PDE3A: variants seen among roughly 807,000 people sequenced by gnomAD.
PDE3A encodes the protein cGMP-inhibited 3',5'-cyclic phosphodiesterase 3A.
In PDE3A, 43 loss-of-function variants were observed where a neutral mutation model predicts 98.3. The ratio of observed to expected loss-of-function variants is 0.44; its 90% CI spans 0.34 to 0.56. The LOEUF is 0.56. Among genes scored for constraint, PDE3A ranks in the 20% least tolerant of loss-of-function variants. The pLI is 0.01. For synonymous variants in PDE3A, 663 were observed against 567.9 expected (o/e 1.17, Z -2.38); for missense variants, 1,427 against 1,440.7 (o/e 0.99, Z 0.15).
intron 1 of PDE3A, among the ~76,000 whole-genome samples, chr12:20,384,225 C>G (rs1306649173): frequency 6.7e-6 from 1 of 150,056 alleles, no homozygotes; most frequent in African/African-American, 2.5e-5. Flanking sequence ...TCTGCCTACA[C>G]CTTCCGGAAG....
chr12:20,390,439 G>A (rs1943891197), intron 1 of PDE3A, among the ~76,000 whole-genome samples: 1 of 144,522 alleles, frequency 6.9e-6, no homozygotes, highest in African/African-American at 2.6e-5. Context: ...GTAGTGGTGG[G>A]CAGGAAAGGT....
intron 1 of PDE3A, among the ~76,000 whole-genome samples, chr12:20,532,466 T>G (rs1198018958): frequency 1.3e-5 from 2 of 152,166 alleles, no homozygotes; most frequent in Non-Finnish European, 1.5e-5. Flanking sequence ...ATATACCCAT[T>G]TATGGTATAT....
intron 1 of PDE3A, among the ~76,000 whole-genome samples, chr12:20,442,308 A>G (rs1278324391): frequency 6.6e-6 from 1 of 152,208 alleles, no homozygotes; most frequent in Non-Finnish European, 1.5e-5. Context: ...AGTAACAACA[A>G]CCACAAATAT....
chr12:20,467,932 T>C lies in PDE3A; in HGVS notation c.961-88728T>C, dbSNP rs188846235. Among the ~76,000 whole-genome samples the C allele has an allele frequency of 5.1e-3, 268 of 52,950 alleles. 9 individuals carry two copies. In the East Asian group the frequency reaches 0.13, roughly 26 times the overall value. The allele number at this position is 52,950 out of a possible 152,430, so 34.7% of individuals were successfully genotyped here. A position where few individuals can be genotyped will look rare whatever the true frequency, so the allele number is the denominator to read the frequency against. ...CCTGGCGACAGAGCGAGACTCCTTC[T>C]CAAAAAAAAAAAAAAAAAAAAAAAA... On this transcript the variant is annotated intron_variant, in intron 1 of 15. Transcript: ENST00000359062.
chr12:20,637,539 T>C (rs1176883351), intron 9 of PDE3A, among the ~76,000 whole-genome samples: 1 of 151,830 alleles, frequency 6.6e-6, no homozygotes, highest in African/African-American at 2.4e-5. Context: ...CAAAAGAAAA[T>C]CTGACACAAG....
At chr12:20,631,526 T>C (rs1944376543) in intron 6 of PDE3A, among the ~76,000 whole-genome samples, 1 of 152,132 alleles carries the variant, frequency 6.6e-6, no homozygotes, top group Admixed American at 6.6e-5. Context: ...GTATGCACCC[T>C]GAGCCAAGAT....
intron 12 of PDE3A, among the ~76,000 whole-genome samples, chr12:20,647,411 A>C (rs1944801124): frequency 9.2e-6 from 1 of 108,652 alleles, no homozygotes; most frequent in South Asian, 4.0e-4. Flanking sequence ...ATATCAATTT[A>C]TTTCATTGGA....
chr12:20,538,006 C>T (rs144444469), intron 1 of PDE3A, among the ~76,000 whole-genome samples: 4 of 152,220 alleles, frequency 2.6e-5, no homozygotes, highest in African/African-American at 7.2e-5. Flanking sequence ...ATGAACCAAA[C>T]GCATAATAGA....
At chr12:20,611,565 C>A (rs1943854563) in intron 2 of PDE3A, among the ~76,000 whole-genome samples, 1 of 151,726 alleles carries the variant, frequency 6.6e-6, no homozygotes, top group Non-Finnish European at 1.5e-5. Context: ...AATAATAGTA[C>A]TTACTAATAC....
intron 1 of PDE3A, among the ~76,000 whole-genome samples, chr12:20,466,595 A>C (rs1361856336): frequency 6.6e-6 from 1 of 152,172 alleles, no homozygotes; most frequent in Non-Finnish European, 1.5e-5. Flanking sequence ...TTAAATTATG[A>C]CTAGTGTATT....
intron 1 of PDE3A, among the ~76,000 whole-genome samples, chr12:20,386,004 A>ATAAATATATATAAAATATATATG (rs1943756499): frequency 9.4e-6 from 1 of 106,024 alleles, no homozygotes; most frequent in Non-Finnish European, 1.8e-5. Context: ...AAATATATAT[A>ATAAATATATATAAAATATATATG]TAAATATATA....
intron 1 of PDE3A, among the ~76,000 whole-genome samples, chr12:20,408,175 C>T (rs1398232177): frequency 1.3e-5 from 2 of 152,022 alleles, no homozygotes; most frequent in Admixed American, 6.6e-5. Context: ...CGCTTCAGCC[C>T]CCGAAAGTGT....
At chr12:20,581,823 G>A (rs1005618856) in intron 2 of PDE3A, among the ~76,000 whole-genome samples, 1 of 151,496 alleles carries the variant, frequency 6.6e-6, no homozygotes, top group African/African-American at 2.4e-5. Flanking sequence ...CGTTTTAGCC[G>A]GGATGGTCTC....
chr12:20,545,204 A>G (rs1389185248), intron 1 of PDE3A, among the ~76,000 whole-genome samples: 1 of 152,092 alleles, frequency 6.6e-6, no homozygotes, highest in Admixed American at 6.6e-5. Context: ...TAGTGGCAGC[A>G]TATAGGTTTA....
Position 20,654,203 on chromosome 12 carries a change from CAAGT to C in PDE3A, c.3184+3_3184+6del. 6.2e-7 allele frequency: 1 copy of C among 1,613,872 alleles called. No homozygotes were observed. The highest frequency in any genetic ancestry group is 8.5e-7 in the Non-Finnish European group (1 of 1,179,868). ...GAAACCTGTGAAAATAATGAATCTC[CAAGT>C]AAGTTCTAAAACCTAGTTCTAATGT... is the stretch of plus-strand genomic sequence containing the variant. On this transcript the variant is annotated splice_donor_variant and coding_sequence_variant, in exon 15 of 16. Transcript: ENST00000359062. LOFTEE classifies it high-confidence loss of function.
chr12:20,393,344 A>G (rs1175319611), intron 1 of PDE3A, among the ~76,000 whole-genome samples: 2 of 151,892 alleles, frequency 1.3e-5, no homozygotes. Context: ...TCCTTATAAA[A>G]CCATCAGATC....
At chr12:20,445,709 A>G (rs1223910515) in intron 1 of PDE3A, among the ~76,000 whole-genome samples, 2 of 152,094 alleles carry the variant, frequency 1.3e-5, no homozygotes, top group African/African-American at 4.8e-5. Context: ...TGCCGCCCTC[A>G]CTGTGTTGTT....
chr12:20,684,583 C>T lies in PDE3A; in HGVS notation c.*4312C>T, dbSNP rs1464506890. On this transcript the variant is annotated 3_prime_UTR_variant, in exon 16 of 16. Coordinates refer to ENST00000359062, the MANE Select transcript of PDE3A (RefSeq NM_000921.5). ...GAGTTTATTTCATTGATCGAACAAG[C>T]AGCAACACATTTTATGACCATTGTC... is the stretch of plus-strand genomic sequence containing the variant. 1.3e-5 allele frequency among the ~76,000 whole-genome samples: 2 copies of T among 152,152 alleles called. No homozygotes were observed. Among genetic ancestry groups the T allele is most frequent in the Admixed American group, 6.5e-5 (1 of 15,276 alleles).
rs903227633 is a variant in PDE3A, at chr12:20,369,683, G to C, written c.399G>C (p.Ser133=). Residue 133 remains serine, a synonymous_variant, in exon 1 of 16, where the codon TCG becomes TCC. Coordinates refer to ENST00000359062, the MANE Select transcript of PDE3A (RefSeq NM_000921.5). ...GARLSPWLQP[S]ALLFSLLCAF... is the part of the protein sequence containing the mutation. ...GGCTCAGCCCCTGGCTGCAGCCCTC[G>C]GCGCTGCTCTTCAGTCTCCTGTGTG... 3.7e-6 allele frequency: 6 copies of C among 1,610,344 alleles called. No homozygotes were observed. Among genetic ancestry groups the C allele is most frequent in the Admixed American group, 1.7e-5 (1 of 59,802 alleles).
Sources: allele counts gnomAD v4.1 joint callset (sites outside exome capture counted in the v4.1 genomes callset), GRCh38; gene constraint gnomAD v4.1.1; transcripts MANE v1.5; gene names NCBI Gene and HGNC (gene_info 2026-07-23, HGNC 2026-07-21).